The following ACER2 variants were observed in gnomAD, a reference collection of about 807,000 sequenced individuals.
The protein encoded by ACER2 is alkCDase 2.
A neutral mutation model predicts 34.7 loss-of-function variants in ACER2; 26 were observed. That is an observed-to-expected ratio of 0.75 (90% CI 0.55 to 1.04). ACER2 has a LOEUF of 1.04. Ranked by LOEUF, ACER2 falls within the 50% of genes least tolerant of loss-of-function variation. The pLI is 0.00. For missense variants in ACER2, 352 were observed against 340.8 expected, an observed-to-expected ratio of 1.03 and a Z score of -0.26; for synonymous variants, 138 against 132.1, an observed-to-expected ratio of 1.04 and a Z score of -0.31.
intron 1 of ACER2, among the ~76,000 whole-genome samples, chr9:19,421,528 T>C (rs919505606): frequency 6.6e-6 from 1 of 152,184 alleles, no homozygotes; most frequent in East Asian, 1.9e-4. Flanking sequence ...TTATGTTATG[T>C]GAAATATTTA....
chr9:19,415,560 T>G (rs10121759), intron 1 of ACER2, among the ~76,000 whole-genome samples: 24,201 of 152,030 alleles, frequency 0.16, 1,982 homozygotes, highest in South Asian at 0.25. Flanking sequence ...AAAAAAGTTT[T>G]ACATATCATA....
intron 1 of ACER2, among the ~76,000 whole-genome samples, chr9:19,413,603 GAAAAA>G (rs11346520): frequency 8.0e-6 from 1 of 125,652 alleles, no homozygotes; most frequent in Non-Finnish European, 1.8e-5. Flanking sequence ...CCATCTTAAG[GAAAAA>G]AAAAAAAAAA....
intron 4 of ACER2, among the ~76,000 whole-genome samples, chr9:19,436,236 C>T (rs949708650): frequency 1.3e-5 from 2 of 152,064 alleles, no homozygotes; most frequent in Non-Finnish European, 2.9e-5. Flanking sequence ...TTCTTGAATC[C>T]CTTGCAGTCT....
At chr9:19,432,968 G>A (rs1022108726) in intron 3 of ACER2, among the ~76,000 whole-genome samples, 1 of 151,338 alleles carries the variant, frequency 6.6e-6, no homozygotes, top group African/African-American at 2.4e-5. Flanking sequence ...CAGAGAAATC[G>A]AACATCTGAA....
At chr9:19,436,415 G>T (rs578157181) in intron 4 of ACER2, among the ~76,000 whole-genome samples, 1 of 152,126 alleles carries the variant, frequency 6.6e-6, no homozygotes, top group African/African-American at 2.4e-5. Flanking sequence ...ATATTTGATA[G>T]TACTTGGCTC....
intron 5 of ACER2, 48 bp from the exon 6 acceptor site, chr9:19,450,402 C>G: frequency 1.3e-6 from 2 of 1,505,872 alleles, no homozygotes; most frequent in East Asian, 2.3e-5. Flanking sequence ...CTCAGGGCAG[C>G]GGAGTCTTCA....
chr9:19,436,083 C>CTT (rs78161264), intron 4 of ACER2, among the ~76,000 whole-genome samples: 9 of 143,716 alleles, frequency 6.3e-5, no homozygotes, highest in Non-Finnish European at 7.7e-5. Flanking sequence ...GAAAGCCCTT[C>CTT]TTTTTTTTTT....
intron 4 of ACER2, among the ~76,000 whole-genome samples, chr9:19,439,363 C>G (rs182158094): frequency 1.9e-5 from 2 of 107,062 alleles, no homozygotes; most frequent in Non-Finnish European, 4.2e-5. Flanking sequence ...TTTTTGGAGA[C>G]GTAGTCTCGC....
chr9:19,422,114 A>T (rs1318224475), intron 1 of ACER2, among the ~76,000 whole-genome samples: 1 of 147,798 alleles, frequency 6.8e-6, no homozygotes, highest in Non-Finnish European at 1.5e-5. Context: ...TGAGACCACC[A>T]TCTCTACCAA....
intron 3 of ACER2, among the ~76,000 whole-genome samples, chr9:19,428,651 A>T (rs1212524357): frequency 1.3e-5 from 2 of 152,048 alleles, no homozygotes; most frequent in Non-Finnish European, 2.9e-5. Flanking sequence ...AGATGACAAA[A>T]GTATCTTCCT....
chr9:19,448,120 A>T (rs909776289), intron 5 of ACER2, among the ~76,000 whole-genome samples: 1 of 145,424 alleles, frequency 6.9e-6, no homozygotes, highest in Non-Finnish European at 1.5e-5. Context: ...TGATTCTCCC[A>T]CCTCACCCCC....
At chr9:19,422,211 G>A (rs74572191) in intron 1 of ACER2, among the ~76,000 whole-genome samples, 2,178 of 151,838 alleles carry the variant, frequency 0.014, 29 homozygotes, top group African/African-American at 0.031. Flanking sequence ...TGAGGCAGGA[G>A]GCTCCCTTAA....
At chr9:19,445,144 C>T (rs1831311483) in intron 4 of ACER2, among the ~76,000 whole-genome samples, 1 of 152,244 alleles carries the variant, frequency 6.6e-6, no homozygotes, top group Admixed American at 6.5e-5. Flanking sequence ...GACGCTCAGC[C>T]ACCAGCTGCC....
rs1385886227 is a variant in ACER2, at chr9:19,424,481, T to G, written c.224-219T>G. On this transcript the variant is annotated intron_variant, in intron 2 of 5. Transcript: ENST00000340967. ...CGTTTAACTGTGGAATTGTTAAAGTTCTGATGTGCTGATATTTGGGCCCTA... is the reference window on the plus strand; with the variant it reads ...CGTTTAACTGTGGAATTGTTAAAGTGCTGATGTGCTGATATTTGGGCCCTA... The G allele has an allele frequency of 4.1e-6, 4 of 985,274 alleles. No homozygotes were observed. The African/African-American group carries it at 7.0e-5, about 17-fold the overall frequency. The allele number at this position is 985,274 out of a possible 1,614,324, so 61.0% of individuals were successfully genotyped here. A position where few individuals can be genotyped will look rare whatever the true frequency, so the allele number is the denominator to read the frequency against.
At chr9:19,410,050 C>T in intron 1 of ACER2, 1 of 656,520 alleles carries the variant, frequency 1.5e-6, no homozygotes, top group Middle Eastern at 7.7e-4. Context: ...TGAGACTTTG[C>T]GTGGTCATTT....
chr9:19,426,799 C>G (rs559563008), intron 3 of ACER2, among the ~76,000 whole-genome samples: 2 of 151,882 alleles, frequency 1.3e-5, no homozygotes, highest in Non-Finnish European at 2.9e-5. Context: ...GGGTGGTGCA[C>G]GCCTGTAGTC....
intron 1 of ACER2, among the ~76,000 whole-genome samples, chr9:19,415,623 A>G (rs1462454357): frequency 6.6e-6 from 1 of 152,258 alleles, no homozygotes; most frequent in Non-Finnish European, 1.5e-5. Flanking sequence ...TAATATATAA[A>G]TACATTTAAA....
chr9:19,427,041 A>G (rs1486742693), intron 3 of ACER2, among the ~76,000 whole-genome samples: 1 of 152,216 alleles, frequency 6.6e-6, no homozygotes, highest in Non-Finnish European at 1.5e-5. Context: ...ATATGTGTAT[A>G]TATCCCTGGC....
intron 5 of ACER2, among the ~76,000 whole-genome samples, chr9:19,447,755 G>T (rs1357858055): frequency 2.6e-5 from 4 of 151,960 alleles, no homozygotes; most frequent in African/African-American, 9.7e-5. Flanking sequence ...TCTGAATTTG[G>T]TATATTTCTG....
Sources: gnomAD v4.1 joint callset for allele counts (sites outside exome capture counted in the v4.1 genomes callset) on GRCh38, gnomAD v4.1.1 for gene constraint, MANE v1.5 for transcripts, NCBI Gene and HGNC (gene_info 2026-07-23, HGNC 2026-07-21) for gene names.